The following CNGB3 variants were observed in gnomAD, a reference collection of about 807,000 sequenced individuals.
CNGB3 encodes cyclic nucleotide-gated channel beta-3.
A neutral mutation model predicts 92.8 loss-of-function variants in CNGB3; 86 were observed. The ratio of observed to expected loss-of-function variants is 0.93; its 90% confidence interval spans 0.78 to 1.11. The LOEUF (loss-of-function observed/expected upper bound fraction) is 1.11, where lower values mean the gene tolerates loss of function less well. Ranked by LOEUF, CNGB3 falls within the 50% of genes least tolerant of loss-of-function variation. The pLI is 0.00. For synonymous variants in CNGB3, 333 were observed against 332.7 expected (o/e 1.00, Z -0.01); for missense variants, 1,026 against 956.8 (o/e 1.07, Z -0.95).
At position 86,576,048 on chromosome 8, in the gene CNGB3, T is replaced by C. The variant is rs2131529531; in HGVS notation, c.2186A>G (p.Glu729Gly). ...KQKENEDKQK[E>G]NEDKGKENED... ...ATTTTCTTTTCCTTTATCTTCATTT[T>C]CTTTTTGTTTATCTTCATTTTCTTT... The change falls in exon 18 of 18, where the codon GAA (glutamate) becomes GGA (glycine). Residue 729 changes from glutamate (E) to glycine (G), a missense_variant. Physicochemically the swap from Glu to Gly is moderately conservative, Grantham distance 98. Transcript: ENST00000320005. 6.2e-7 allele frequency: 1 copy of C among 1,603,592 alleles called. No individual in the cohort carries two copies. The highest frequency in any genetic ancestry group is 8.5e-7 in the Non-Finnish European group (1 of 1,175,050).
chr8:86,740,183 A>G (rs1333022400), intron 1 of CNGB3, among the ~76,000 whole-genome samples: 16 of 152,196 alleles, frequency 1.1e-4, no homozygotes, highest in Admixed American at 8.5e-4. Flanking sequence ...ATGTCCCACT[A>G]GACATGGCCA....
At chr8:86,645,769 T>A (rs967386927) in intron 8 of CNGB3, among the ~76,000 whole-genome samples, 1 of 151,362 alleles carries the variant, frequency 6.6e-6, no homozygotes, top group Admixed American at 6.6e-5. Flanking sequence ...TGTGGTAATT[T>A]GTTTATTGTG....
chr8:86,656,146 C>A (rs1310417342), intron 6 of CNGB3, among the ~76,000 whole-genome samples: 1 of 152,096 alleles, frequency 6.6e-6, no homozygotes, highest in Non-Finnish European at 1.5e-5. Context: ...AACAAAATGG[C>A]TTACTGAGCC....
At chr8:86,689,985 C>T (rs1277839311) in intron 3 of CNGB3, among the ~76,000 whole-genome samples, 2 of 152,134 alleles carry the variant, frequency 1.3e-5, no homozygotes, top group African/African-American at 4.8e-5. Context: ...GGGTTGGTTC[C>T]AAGTCTTTGC....
intron 11 of CNGB3, among the ~76,000 whole-genome samples, chr8:86,632,367 G>A (rs548606208): frequency 2.0e-5 from 3 of 151,884 alleles, no homozygotes; most frequent in Non-Finnish European, 4.4e-5. Flanking sequence ...ATTTTATATG[G>A]CATTTTGTAG....
In CNGB3 at chr8:86,606,043, C is replaced by T. The variant is rs565969313; in HGVS notation, c.1663-1832G>A. On this transcript the variant is annotated intron_variant, in intron 14 of 17. Transcript: ENST00000320005. ...AGTTATATGACTCGGTAATTAGAAGCGAAGGAAGCCTAGAACCCACATCTC... is the reference window on the plus strand; with the variant it reads ...AGTTATATGACTCGGTAATTAGAAGTGAAGGAAGCCTAGAACCCACATCTC... Among the ~76,000 whole-genome samples the T allele has an allele frequency of 1.6e-4, 25 of 151,914 alleles. No homozygotes were observed. In the South Asian group the frequency reaches 5.2e-3, roughly 32 times the overall value.
At chr8:86,676,271 G>A (rs187337906) in intron 3 of CNGB3, among the ~76,000 whole-genome samples, 1 of 152,252 alleles carries the variant, frequency 6.6e-6, no homozygotes, top group East Asian at 1.9e-4. Context: ...GGTGATCTGC[G>A]GTGAGTTTAC....
chr8:86,585,902 T>C (rs540186482), intron 15 of CNGB3, among the ~76,000 whole-genome samples: 1 of 152,322 alleles, frequency 6.6e-6, no homozygotes, highest in Admixed American at 6.5e-5. Context: ...GTACAATGCA[T>C]TTCAGATACC....
chr8:86,728,350 G>C (rs983555193), intron 2 of CNGB3, among the ~76,000 whole-genome samples: 1 of 151,966 alleles, frequency 6.6e-6, no homozygotes, highest in Non-Finnish European at 1.5e-5. Context: ...ACAGATTTCA[G>C]AGTAAAAAAA....
intron 3 of CNGB3, among the ~76,000 whole-genome samples, chr8:86,705,806 T>G (rs544609971): frequency 1.3e-5 from 2 of 152,294 alleles, no homozygotes; most frequent in East Asian, 3.9e-4. Flanking sequence ...TTTCTAAATT[T>G]GTATTTGCAC....
In CNGB3 at chr8:86,575,907, G is replaced by A; in HGVS notation, c.2327C>T (p.Pro776Leu). The change falls in exon 18 of 18, where the codon CCC becomes CTC. Residue 776 changes from proline to leucine, a missense_variant. Pro to Leu is a moderately conservative substitution (Grantham distance 98). Transcript: ENST00000320005. ...GAGTGATTGACGAGAAGTCCCTCTG[G>A]GTAAAACTGTCCTTCTAACTGAGTG... is the stretch of plus-strand genomic sequence containing the variant. Reference protein sequence around the residue: ...EPHSVRRTVLPRGTSRQSLII... With the variant: ...EPHSVRRTVLLRGTSRQSLII... 6 of 1,613,678 alleles carry A rather than the reference G, an allele frequency of 3.7e-6. No homozygotes were observed. The highest frequency in any genetic ancestry group is 5.1e-6 in the Non-Finnish European group (6 of 1,179,880).
chr8:86,658,067 C>T, intron 6 of CNGB3: 1 of 531,438 alleles, frequency 1.9e-6, no homozygotes, highest in Non-Finnish European at 3.5e-6. Context: ...TGCAGCTTCT[C>T]CATGGCCCCC....
chr8:86,644,478 G>T, intron 9 of CNGB3, 144 bp downstream of exon 9: 1 of 1,018,820 alleles, frequency 9.8e-7, no homozygotes, highest in Non-Finnish European at 1.4e-6. Context: ...ATCTGTTCTA[G>T]AACATAGTCC....
chr8:86,689,583 G>A (rs1323465196), intron 3 of CNGB3, among the ~76,000 whole-genome samples: 1 of 145,660 alleles, frequency 6.9e-6, no homozygotes, highest in African/African-American at 2.5e-5. Context: ...TTATTATACT[G>A]TAAGTTCTAG....
At chr8:86,732,131 T>C (rs889358663) in intron 2 of CNGB3, among the ~76,000 whole-genome samples, 2 of 152,208 alleles carry the variant, frequency 1.3e-5, no homozygotes, top group African/African-American at 4.8e-5. Context: ...AATTTTTAGC[T>C]TATGAAACAC....
intron 2 of CNGB3, among the ~76,000 whole-genome samples, chr8:86,727,232 G>T (rs772332797): frequency 1.3e-5 from 2 of 152,062 alleles, no homozygotes; most frequent in Admixed American, 1.3e-4. Context: ...TGTAATAAAA[G>T]TTCATAAGAT....
chr8:86,686,526 G>A (rs182866540), intron 3 of CNGB3, among the ~76,000 whole-genome samples: 27 of 152,206 alleles, frequency 1.8e-4, no homozygotes, highest in African/African-American at 6.5e-4. Context: ...ACACCCTATG[G>A]ATCTGTTCTT....
At chr8:86,621,096 C>CA (rs1297365524) in intron 13 of CNGB3, among the ~76,000 whole-genome samples, 8 of 151,948 alleles carry the variant, frequency 5.3e-5, no homozygotes, top group African/African-American at 1.9e-4. Context: ...ATATAGAAAG[C>CA]AAAAAAACTA....
chr8:86,594,890 T>C (rs12335083), intron 15 of CNGB3, among the ~76,000 whole-genome samples: 4,136 of 151,968 alleles, frequency 0.027, 177 homozygotes, highest in African/African-American at 0.094. Context: ...TGTATATATA[T>C]ACATATATTT....
Sources: allele counts gnomAD v4.1 joint callset (sites outside exome capture counted in the v4.1 genomes callset), GRCh38; gene constraint gnomAD v4.1.1; transcripts MANE v1.5; gene names NCBI Gene and HGNC (gene_info 2026-07-23, HGNC 2026-07-21).